Variants in COBL observed in about 807,000 individuals in gnomAD.
COBL encodes the protein cordon-bleu WH2 repeat protein.
COBL carries 51 observed loss-of-function variants against 98.8 expected under a neutral mutation model. The observed-to-expected ratio is 0.52, with a 90% CI of 0.41 to 0.65. The LOEUF is 0.65. COBL is among the 30% of genes least tolerant of loss of function. The pLI, the probability that COBL is intolerant of heterozygous loss-of-function variation, is 0.00. For synonymous variants in COBL, 634 were observed against 651.7 expected (o/e 0.97, Z 0.41); for missense variants, 1,617 against 1,617.5 (o/e 1.00, Z 0.01).
chr7:51,265,558 G>A (rs900312447), intron 1 of COBL, among the ~76,000 whole-genome samples: 1 of 152,182 alleles, frequency 6.6e-6, no homozygotes, highest in African/African-American at 2.4e-5. Flanking sequence ...TGTGCACAGA[G>A]GACAGTGAAA....
chr7:51,212,662 T>C (rs879941179), intron 2 of COBL, among the ~76,000 whole-genome samples: 3 of 152,196 alleles, frequency 2.0e-5, no homozygotes, highest in African/African-American at 7.2e-5. Context: ...CAGTGAGACC[T>C]TGGGCTCATT....
chr7:51,018,905 A>AAAAAATATATATAT (rs1554345519), intron 12 of COBL, among the ~76,000 whole-genome samples: 1 of 34,446 alleles, frequency 2.9e-5, no homozygotes, highest in African/African-American at 1.3e-4. Context: ...AAAAAAAAAA[A>AAAAAATATATATAT]ATATATATAT....
chr7:51,190,765 T>G (rs890309767), intron 4 of COBL, 85 bp downstream of exon 4: 3 of 1,076,964 alleles, frequency 2.8e-6, no homozygotes, highest in Non-Finnish European at 4.2e-6. Context: ...CTACTGAGAG[T>G]GCTGGGGAGA....
At position 51,219,905 on chromosome 7, in the gene COBL, C is replaced by T; in HGVS notation, c.81G>A (p.Lys27=). ...MKARAPPPPG[K]AATLHVHSDQ... Reference sequence around the variant, plus strand: ...CACTGTGCACATGCAGAGTGGCAGCCTTTCCAGGAGGTGGGGGAGCACGAG... The same window carrying T: ...CACTGTGCACATGCAGAGTGGCAGCTTTTCCAGGAGGTGGGGGAGCACGAG... Residue 27 remains lysine (K), a synonymous_variant, in exon 2 of 13, where the codon AAG becomes AAA. Transcript: ENST00000265136. The T allele has an allele frequency of 1.2e-6, 2 of 1,612,044 alleles. No individual in the cohort carries two copies. Among genetic ancestry groups the T allele is most frequent in the South Asian group, 2.2e-5 (2 of 91,010 alleles).
chr7:51,030,198 A>C (rs1301988534), intron 9 of COBL, among the ~76,000 whole-genome samples: 1 of 152,248 alleles, frequency 6.6e-6, no homozygotes, highest in African/African-American at 2.4e-5. Flanking sequence ...TCAGTTTTGC[A>C]GTCTGTTATC....
At chr7:51,157,234 G>C (rs1238012215) in intron 5 of COBL, among the ~76,000 whole-genome samples, 1 of 152,198 alleles carries the variant, frequency 6.6e-6, no homozygotes, top group South Asian at 2.1e-4. Context: ...TTAGCCAGGC[G>C]TGGTGGTGTG....
At chr7:51,144,327 G>A (rs1481512889) in intron 5 of COBL, among the ~76,000 whole-genome samples, 4 of 152,140 alleles carry the variant, frequency 2.6e-5, no homozygotes, top group South Asian at 2.1e-4. Context: ...CAGGTACAGC[G>A]AGTTACTGGT....
At chr7:51,295,063 G>A (rs1008100059) in intron 1 of COBL, among the ~76,000 whole-genome samples, 3 of 152,012 alleles carry the variant, frequency 2.0e-5, no homozygotes, top group Non-Finnish European at 4.4e-5. Flanking sequence ...GAGGCAGGCA[G>A]ATCACCTGAG....
At chr7:51,215,966 C>G (rs1179862799) in intron 2 of COBL, among the ~76,000 whole-genome samples, 1 of 152,236 alleles carries the variant, frequency 6.6e-6, no homozygotes, top group African/African-American at 2.4e-5. Context: ...CAGGTCTAAG[C>G]TTGTCTGTTG....
chr7:51,062,441 C>A (rs1791474112), intron 7 of COBL, among the ~76,000 whole-genome samples: 2 of 152,138 alleles, frequency 1.3e-5, no homozygotes, highest in African/African-American at 4.8e-5. Flanking sequence ...TAAGTCAGAG[C>A]CATGGTGTCC....
In COBL at chr7:51,043,412, C is replaced by T; in HGVS notation, c.1377G>A (p.Glu459=). ...DLGPQKSPLW[E]KNGSENSHLR... is the part of the protein sequence containing the mutation. ...GATGTGAGTTCTCAGAGCCATTCTT[C>T]TCCCACAAGGGGCTCTTCTGGGGAC... Residue 459 remains glutamate (E), a synonymous_variant, in exon 8 of 13, where the codon GAG becomes GAA. Transcript: ENST00000265136. 6.2e-7 allele frequency: 1 copy of T among 1,614,196 alleles called. No homozygotes were observed. Among genetic ancestry groups the T allele is most frequent in the Non-Finnish European group, 8.5e-7 (1 of 1,180,016 alleles).
chr7:51,190,846 T>G lies in COBL; in HGVS notation c.685+4A>C. On this transcript the variant is annotated splice_donor_region_variant and intron_variant, in intron 4 of 12. Coordinates refer to ENST00000265136, the MANE Select transcript of COBL (RefSeq NM_015198.5). ...CAGGTGCGTGAGACGCAGCGGGGCC[T>G]CACCTCTTCTGTTGTCCCACGCGTA... 6.2e-7 allele frequency: 1 copy of G among 1,612,968 alleles called. No individual in the cohort carries two copies. Among genetic ancestry groups the G allele is most frequent in the Non-Finnish European group, 8.5e-7 (1 of 1,179,256 alleles).
intron 6 of COBL, among the ~76,000 whole-genome samples, chr7:51,091,923 T>A (rs932745434): frequency 2.6e-5 from 4 of 152,184 alleles, no homozygotes; most frequent in East Asian, 3.9e-4. Context: ...CAATCAAGGA[T>A]ACTTAAAAAC....
chr7:51,042,513 C>T (rs1250070656), intron 8 of COBL, among the ~76,000 whole-genome samples: 3 of 151,990 alleles, frequency 2.0e-5, no homozygotes, highest in African/African-American at 7.3e-5. Context: ...GCACATGCTA[C>T]CACACTCAGC....
At chr7:51,162,901 A>C (rs536478741) in intron 5 of COBL, among the ~76,000 whole-genome samples, 5 of 152,374 alleles carry the variant, frequency 3.3e-5, no homozygotes, top group African/African-American at 1.2e-4. Flanking sequence ...AGACATAGAA[A>C]CAGCCAGCAG....
Position 51,025,155 on chromosome 7 carries a change from A to G in COBL, c.3722T>C (p.Leu1241Ser), listed in dbSNP as rs1366171168. 2.5e-6 allele frequency: 4 copies of G among 1,610,858 alleles called. No homozygotes were observed. Among genetic ancestry groups the G allele is most frequent in the Non-Finnish European group, 3.4e-6 (4 of 1,179,422 alleles). The change falls in exon 12 of 13, where the codon TTG becomes TCG. Residue 1241 changes from leucine (L) to serine (S), a missense_variant. By Grantham distance (145) the Leu-to-Ser change is moderately radical. Coordinates refer to ENST00000265136, the MANE Select transcript of COBL (RefSeq NM_015198.5). ...LSNTADARQALMDAIRSGTGA... is the reference protein window; with the variant it reads ...LSNTADARQASMDAIRSGTGA... ...TGTGCCGGAGCGGATGGCGTCCATC[A>G]AGGCTTGCCTTGCGTCTGCGGTGTT...
intron 7 of COBL, among the ~76,000 whole-genome samples, chr7:51,062,850 G>A (rs900620885): frequency 1.3e-5 from 2 of 152,194 alleles, no homozygotes; most frequent in African/African-American, 4.8e-5. Flanking sequence ...AAGAGGCTGT[G>A]AGACACCCGT....
At chr7:51,084,816 C>G (rs1317403506) in intron 7 of COBL, among the ~76,000 whole-genome samples, 1 of 152,142 alleles carries the variant, frequency 6.6e-6, no homozygotes, top group African/African-American at 2.4e-5. Flanking sequence ...TCCTTCAAAG[C>G]AGTTTCCACG....
At chr7:51,139,196 A>G (rs1235252327) in intron 5 of COBL, among the ~76,000 whole-genome samples, 1 of 152,226 alleles carries the variant, frequency 6.6e-6, no homozygotes, top group Non-Finnish European at 1.5e-5. Flanking sequence ...ATGGGGAAAA[A>G]TCCATTTCCT....
Sources: allele counts gnomAD v4.1 joint callset (sites outside exome capture counted in the v4.1 genomes callset), GRCh38; gene constraint gnomAD v4.1.1; transcripts MANE v1.5; gene names NCBI Gene and HGNC (gene_info 2026-07-23, HGNC 2026-07-21).